Variants in DRICH1 observed in about 807,000 individuals in gnomAD.
The protein encoded by DRICH1 is aspartate rich 1.
Under a neutral mutation model 39.5 loss-of-function variants are expected in DRICH1, and 38 were observed. The observed-to-expected ratio is 0.96, with a 90% CI of 0.74 to 1.26. The LOEUF (loss-of-function observed/expected upper bound fraction) is 1.26. DRICH1 is among the 50% of genes most tolerant of loss of function. The pLI, the probability that DRICH1 is intolerant of heterozygous loss-of-function variation, is 0.00. For missense variants in DRICH1, 279 were observed against 270.4 expected (o/e 1.03, Z -0.22); for synonymous variants, 84 against 99.5 (o/e 0.84, Z 0.93).
At chr22:23,598,737 T>C in the DRICH1 span, among the ~76,000 whole-genome samples, 25 of 152,158 alleles carry the variant, frequency 1.6e-4, no homozygotes, top group African/African-American at 5.3e-4. Context: ...AGCTGGGGAA[T>C]GGTAAAGGGA....
chr22:23,597,502 C>CAA, the DRICH1 span, among the ~76,000 whole-genome samples: 2,120 of 106,264 alleles, frequency 0.02, 38 homozygotes, highest in Non-Finnish European at 0.026. Flanking sequence ...GACCCTGTCT[C>CAA]AAAAAAAAAA....
chr22:23,631,399 G>C (rs1928374636), intron 1 of DRICH1, among the ~76,000 whole-genome samples: 1 of 150,900 alleles, frequency 6.6e-6, no homozygotes, highest in Non-Finnish European at 1.5e-5. Context: ...CTGGGCAACA[G>C]AGCAAGACTC....
chr22:23,613,557 G>A (rs947485526), intron 10 of DRICH1, 82 bp downstream of exon 10: 4 of 1,134,606 alleles, frequency 3.5e-6, no homozygotes, highest in East Asian at 4.7e-5. Flanking sequence ...CTCTTTCCCA[G>A]CAGGACCCCA....
chr22:23,596,164 T>A, the DRICH1 span, among the ~76,000 whole-genome samples: 18,198 of 152,098 alleles, frequency 0.12, 1,422 homozygotes, highest in Admixed American at 0.22. Context: ...CTCCTTTCTG[T>A]CTCTTCTGAG....
intron 3 of DRICH1, 68 bp downstream of exon 3, chr22:23,624,815 T>G: frequency 2.6e-6 from 4 of 1,520,722 alleles, no homozygotes; most frequent in East Asian, 2.3e-5. Flanking sequence ...GGAATCCAGA[T>G]TAAGGTTTCT....
chr22:23,582,569 T>TATA, the DRICH1 span, among the ~76,000 whole-genome samples: 1 of 148,984 alleles, frequency 6.7e-6, no homozygotes, highest in Non-Finnish European at 1.5e-5. Flanking sequence ...TTATTATTAT[T>TATA]ATTATTATTA....
At chr22:23,612,757 C>T (rs1392384520) in intron 11 of DRICH1, among the ~76,000 whole-genome samples, 1 of 152,108 alleles carries the variant, frequency 6.6e-6, no homozygotes, top group East Asian at 1.9e-4. Context: ...AATATTCACT[C>T]CACCATCCAC....
chr22:23,590,155 G>T, the DRICH1 span, among the ~76,000 whole-genome samples: 1 of 152,164 alleles, frequency 6.6e-6, no homozygotes, highest in African/African-American at 2.4e-5. Context: ...GATTTCCAGA[G>T]CCATGAATCC....
intron 8 of DRICH1, 22 bp from the exon 9 acceptor site, chr22:23,614,236 A>G: frequency 6.3e-7 from 1 of 1,578,762 alleles, no homozygotes. Context: ...CAGAGGAAAG[A>G]TCAGTGCACC....
chr22:23,622,194 A>C lies in DRICH1; in HGVS notation c.299-18T>G. On this transcript the variant is annotated intron_variant, in intron 3 of 11. Coordinates refer to ENST00000317749, the MANE Select transcript of DRICH1 (RefSeq NM_016449.4). ...AGAAGAACCTGGAAGGACACAGAGGAAAGATCCGTGCCCTGGTTGATTGTG... is the reference window on the plus strand; with the variant it reads ...AGAAGAACCTGGAAGGACACAGAGGCAAGATCCGTGCCCTGGTTGATTGTG... 1 of 1,609,990 alleles carries C rather than the reference A, an allele frequency of 6.2e-7. No individual in the cohort carries two copies. Among genetic ancestry groups the C allele is most frequent in the Non-Finnish European group, 8.5e-7 (1 of 1,176,192 alleles).
chr22:23,620,349 G>A (rs886598762), intron 5 of DRICH1, among the ~76,000 whole-genome samples: 2 of 152,030 alleles, frequency 1.3e-5, no homozygotes, highest in African/African-American at 4.8e-5. Flanking sequence ...ATCAGGATAG[G>A]TCAGTGAGCG....
At chr22:23,595,989 C>G in the DRICH1 span, among the ~76,000 whole-genome samples, 6 of 152,304 alleles carry the variant, frequency 3.9e-5, no homozygotes, top group African/African-American at 1.4e-4. Flanking sequence ...CTCCAAATGT[C>G]TGAAATCCCA....
chr22:23,618,421 AT>A (rs558873871), intron 6 of DRICH1, among the ~76,000 whole-genome samples: 3,429 of 150,442 alleles, frequency 0.023, 113 homozygotes, highest in African/African-American at 0.077. Context: ...GCTGATCACA[AT>A]TTTTTTTTTC....
the DRICH1 span, among the ~76,000 whole-genome samples, chr22:23,595,161 C>G: frequency 0.16 from 21,565 of 137,696 alleles, 1,524 homozygotes; most frequent in African/African-American, 0.23. Flanking sequence ...AAGAACTGGA[C>G]CTCCTCCTAT....
chr22:23,599,539 A>AC, the DRICH1 span, among the ~76,000 whole-genome samples: 1 of 152,222 alleles, frequency 6.6e-6, no homozygotes, highest in Non-Finnish European at 1.5e-5. Flanking sequence ...GTGGCAGGGC[A>AC]CGTGGTATGG....
At chr22:23,606,256 T>C (rs1448440853), downstream of DRICH1, among the ~76,000 whole-genome samples, 1 of 152,124 alleles carries the variant, frequency 6.6e-6, no homozygotes, top group African/African-American at 2.4e-5. Flanking sequence ...ACCCCTTACC[T>C]GCCCCACAGG....
intron 3 of DRICH1, among the ~76,000 whole-genome samples, chr22:23,622,518 T>TCAAGATTGTGTCAGTACA (rs1569093929): frequency 2.6e-5 from 4 of 151,960 alleles, no homozygotes; most frequent in African/African-American, 9.7e-5. Context: ...CTTAATGTAT[T>TCAAGATTGTGTCAGTACA]CAAGATCGTG....
At chr22:23,602,329 G>A in the DRICH1 span, among the ~76,000 whole-genome samples, 2 of 3,594 alleles carry the variant, frequency 5.6e-4, no homozygotes, top group Non-Finnish European at 6.1e-4. Flanking sequence ...GAGAGCAGGG[G>A]CTCACCCCTG....
intron 5 of DRICH1, 100 bp downstream of exon 5, chr22:23,620,494 C>T: frequency 1.5e-6 from 2 of 1,347,554 alleles, no homozygotes; most frequent in Non-Finnish European, 2.1e-6. Context: ...TTGCTCTCAC[C>T]ACACCCCCAA....
Sources: allele counts gnomAD v4.1 joint callset (sites outside exome capture counted in the v4.1 genomes callset), GRCh38; gene constraint gnomAD v4.1.1; transcripts MANE v1.5; gene names NCBI Gene and HGNC (gene_info 2026-07-23, HGNC 2026-07-21).